Variants in SLC14A2 observed in about 807,000 individuals in gnomAD.
SLC14A2 encodes solute carrier family 14 member 2.
A neutral mutation model predicts 104.6 loss-of-function variants in SLC14A2; 91 were observed. The ratio of observed to expected loss-of-function variants is 0.87; its 90% CI spans 0.73 to 1.04. SLC14A2 has a LOEUF of 1.04. Ranked by LOEUF, SLC14A2 falls within the 50% of genes least tolerant of loss-of-function variation. The pLI, the probability that SLC14A2 is intolerant of heterozygous loss-of-function variation, is 0.00. For synonymous variants in SLC14A2, 476 were observed against 466.4 expected, an observed-to-expected ratio of 1.02 and a Z score of -0.27; for missense variants, 1,189 against 1,156.0, an observed-to-expected ratio of 1.03 and a Z score of -0.41.
At chr18:45,415,511 T>A (rs1245258627) in intron 1 of SLC14A2, among the ~76,000 whole-genome samples, 7 of 152,188 alleles carry the variant, frequency 4.6e-5, no homozygotes, top group African/African-American at 7.2e-5. Flanking sequence ...TAGACTTCTC[T>A]GTCATTCTTG....
At chr18:45,200,287 T>C in the SLC14A2 span, among the ~76,000 whole-genome samples, 1 of 152,146 alleles carries the variant, frequency 6.6e-6, no homozygotes, top group African/African-American at 2.4e-5. Flanking sequence ...GGTCAATATG[T>C]AGATTAGGAA....
intron 2 of SLC14A2, among the ~76,000 whole-genome samples, chr18:45,496,710 G>C: frequency 6.6e-6 from 1 of 152,200 alleles, no homozygotes; most frequent in South Asian, 2.1e-4. Context: ...TTGAACCCAG[G>C]AGGTAGAGGT....
intron 2 of SLC14A2, among the ~76,000 whole-genome samples, chr18:45,502,005 AT>A (rs990315208): frequency 7.2e-5 from 11 of 152,102 alleles, no homozygotes; most frequent in Non-Finnish European, 1.6e-4. Flanking sequence ...ATGTTATTGG[AT>A]TTTTCACAGG....
chr18:45,214,265 T>G (rs1008118380), intron 1 of SLC14A2, among the ~76,000 whole-genome samples: 1 of 152,108 alleles, frequency 6.6e-6, no homozygotes, highest in Non-Finnish European at 1.5e-5. Context: ...AAGGCTTGGG[T>G]TTGTTTTGGC....
chr18:45,238,811 T>G (rs2084282521), intron 1 of SLC14A2, among the ~76,000 whole-genome samples: 1 of 152,200 alleles, frequency 6.6e-6, no homozygotes, highest in Non-Finnish European at 1.5e-5. Context: ...TCACATTGTA[T>G]TTTAACAGTC....
intron 1 of SLC14A2, among the ~76,000 whole-genome samples, chr18:45,410,260 A>G (rs903890553): frequency 8.5e-5 from 13 of 152,192 alleles, no homozygotes; most frequent in Admixed American, 8.5e-4. Context: ...GGTTTCTAAC[A>G]GGCCACAGAC....
At chr18:45,199,497 G>A in the SLC14A2 span, among the ~76,000 whole-genome samples, 4 of 151,966 alleles carry the variant, frequency 2.6e-5, no homozygotes, top group Non-Finnish European at 5.9e-5. Context: ...AATTGTGTCA[G>A]CCTAGTATTT....
At chr18:45,418,739 G>T (rs2086305557) in intron 1 of SLC14A2, among the ~76,000 whole-genome samples, 1 of 152,212 alleles carries the variant, frequency 6.6e-6, no homozygotes, top group Admixed American at 6.5e-5. Flanking sequence ...TGAGACTGGG[G>T]TGAGAAGGAC....
At chr18:45,523,094 G>A (rs1484012171) in intron 2 of SLC14A2, among the ~76,000 whole-genome samples, 1 of 152,160 alleles carries the variant, frequency 6.6e-6, no homozygotes, top group Non-Finnish European at 1.5e-5. Context: ...GGGGTGTGGG[G>A]TGGGGGTTCT....
At chr18:45,211,099 G>T (rs1696929544), upstream of SLC14A2, among the ~76,000 whole-genome samples, 1 of 152,162 alleles carries the variant, frequency 6.6e-6, no homozygotes, top group African/African-American at 2.4e-5. Flanking sequence ...TGAAGCACCA[G>T]AGAAAATGTC....
chr18:45,170,341 G>A, the SLC14A2 span, among the ~76,000 whole-genome samples: 1 of 152,240 alleles, frequency 6.6e-6, no homozygotes, highest in East Asian at 1.9e-4. Flanking sequence ...GTGTCTTTGG[G>A]AAATGTTGAG....
intron 1 of SLC14A2, among the ~76,000 whole-genome samples, chr18:45,467,663 A>T (rs1470516638): frequency 1.3e-5 from 2 of 151,726 alleles, no homozygotes; most frequent in African/African-American, 2.4e-5. Context: ...ACAACTGAAA[A>T]CTCATTTTAC....
intron 2 of SLC14A2, among the ~76,000 whole-genome samples, chr18:45,492,396 A>G (rs1439125359): frequency 2.0e-5 from 3 of 152,216 alleles, no homozygotes; most frequent in Non-Finnish European, 2.9e-5. Context: ...ACTTACAATC[A>G]TGGTGGAAGG....
intron 1 of SLC14A2, among the ~76,000 whole-genome samples, chr18:45,372,335 A>AATAATAATC (rs1232822002): frequency 1.3e-4 from 19 of 149,290 alleles, no homozygotes; most frequent in African/African-American, 4.8e-4. Context: ...TAATAATAAT[A>AATAATAATC]ATAATTTCTA....
At chr18:45,463,304 G>A (rs1358177648) in intron 1 of SLC14A2, among the ~76,000 whole-genome samples, 1 of 152,170 alleles carries the variant, frequency 6.6e-6, no homozygotes, top group Non-Finnish European at 1.5e-5. Flanking sequence ...GCCTGAACAC[G>A]ACACCCAGCA....
intron 19 of SLC14A2, among the ~76,000 whole-genome samples, chr18:45,681,630 GAC>G (rs752139417): frequency 1.5e-4 from 23 of 152,296 alleles, no homozygotes; most frequent in South Asian, 6.2e-4. Flanking sequence ...GGACAATGAT[GAC>G]ACATCTTTGC....
chr18:45,565,128 C>CTT (rs879652079), intron 2 of SLC14A2, among the ~76,000 whole-genome samples: 5 of 136,974 alleles, frequency 3.7e-5, no homozygotes, highest in East Asian at 2.0e-4. Context: ...GCATGTGCTT[C>CTT]TTTTTTTTTT....
At chr18:45,307,919 G>A (rs1489075005) in intron 1 of SLC14A2, among the ~76,000 whole-genome samples, 5 of 152,328 alleles carry the variant, frequency 3.3e-5, no homozygotes, top group South Asian at 2.1e-4. Flanking sequence ...ACATGGTGCC[G>A]ACATCTGCTT....
chr18:45,592,943 T>C (rs1214141482), intron 2 of SLC14A2, among the ~76,000 whole-genome samples: 1 of 152,202 alleles, frequency 6.6e-6, no homozygotes, highest in Non-Finnish European at 1.5e-5. Flanking sequence ...TCCAACCTGA[T>C]GGAATCCAAG....
Sources: allele counts gnomAD v4.1 joint callset (sites outside exome capture counted in the v4.1 genomes callset), GRCh38; gene constraint gnomAD v4.1.1; transcripts MANE v1.5; gene names NCBI Gene and HGNC (gene_info 2026-07-23, HGNC 2026-07-21).